RNF126: variants seen among roughly 807,000 people sequenced by gnomAD.
RNF126 encodes ring finger protein 126, also known as E3 ubiquitin-protein ligase RNF126.
In RNF126, 20 loss-of-function variants were observed where a neutral mutation model predicts 41.9. The observed-to-expected ratio is 0.48, with a 90% CI of 0.34 to 0.69. RNF126 has a LOEUF of 0.69. Among genes scored for constraint, RNF126 ranks in the 30% least tolerant of loss-of-function variants. The pLI is 0.01. For synonymous variants in RNF126, 239 were observed against 202.9 expected (o/e 1.18, Z -1.51); for missense variants, 433 against 460.6 (o/e 0.94, Z 0.55).
intron 5 of RNF126, among the ~76,000 whole-genome samples, chr19:649,963 A>G (rs1335869706): frequency 1.7e-5 from 2 of 115,132 alleles, no homozygotes; most frequent in South Asian, 3.1e-4. Flanking sequence ...CTCACCAGGG[A>G]CCCTGGCTGG....
intron 5 of RNF126, 67 bp downstream of exon 5, chr19:650,167 C>T (rs545744650): frequency 2.2e-6 from 3 of 1,334,182 alleles, no homozygotes; most frequent in African/African-American, 3.2e-5. Flanking sequence ...GGGATGGGGA[C>T]AGGCACCCCC....
At chr19:650,207 T>A in intron 5 of RNF126, 27 bp downstream of exon 5, 2 of 1,551,376 alleles carry the variant, frequency 1.3e-6, no homozygotes, top group Non-Finnish European at 1.7e-6. Context: ...AGGCTGGGGA[T>A]GGGGACAGGC....
chr19:662,849 G>A (rs1374879211), intron 1 of RNF126, among the ~76,000 whole-genome samples, 198 bp downstream of exon 1: 1 of 152,046 alleles, frequency 6.6e-6, no homozygotes, highest in Non-Finnish European at 1.5e-5. Flanking sequence ...TCTCCCGCAT[G>A]TACAGGACGG....
intron 5 of RNF126, among the ~76,000 whole-genome samples, 175 bp downstream of exon 5, chr19:650,059 A>T (rs1472509465): frequency 7.6e-6 from 1 of 132,282 alleles, no homozygotes; most frequent in Non-Finnish European, 1.6e-5. Flanking sequence ...CCAGGGGCCC[A>T]GGCTGGGGAT....
intron 1 of RNF126, 109 bp from the exon 2 acceptor site, chr19:652,993 GGCACACGCAGGCCA>G: frequency 9.7e-7 from 1 of 1,027,404 alleles, no homozygotes; most frequent in Non-Finnish European, 1.5e-6. Flanking sequence ...TGGCTGGCCA[GGCACACGCAGGCCA>G]GGGTGGCTCC....
chr19:653,615 G>T (rs759413207), intron 1 of RNF126, among the ~76,000 whole-genome samples: 7 of 152,222 alleles, frequency 4.6e-5, no homozygotes, highest in Non-Finnish European at 7.3e-5. Context: ...CTCATGGATG[G>T]CTGGGCCCCT....
rs1555680018 is a variant in RNF126, at chr19:648,339, C to CGGGGTGGGGGGGCGGG, written c.786+17_786+32dup. 2.0e-5 allele frequency: 6 copies of CGGGGTGGGGGGGCGGG among 302,228 alleles called. No individual in the cohort carries two copies. The African/African-American group carries it at 7.2e-4, about 36-fold the overall frequency. 18.7% of individuals were successfully genotyped at this position (302,228 alleles called of 1,614,324 possible). A position where few individuals can be genotyped will look rare whatever the true frequency, so the allele number is the denominator to read the frequency against. On this transcript the variant is annotated intron_variant, in intron 8 of 8. Coordinates refer to ENST00000292363, the MANE Select transcript of RNF126 (RefSeq NM_194460.3). ...AGGTTAGAGGCGGGAGGGCCGCGGT[C>CGGGGTGGGGGGGCGGG]GGGGTGGGGGGGCGGGTGGGCGGGG...
chr19:648,493 G>A lies in RNF126; in HGVS notation c.671-6C>T. ...AGGGCACTCGAGCCCGGAGCCTGCG[G>A]GAGTGTGCAGCTGCGGTCACAGCGG... On this transcript the variant is annotated splice_polypyrimidine_tract_variant and splice_region_variant and intron_variant, in intron 7 of 8. Coordinates refer to ENST00000292363, the MANE Select transcript of RNF126 (RefSeq NM_194460.3). 6.4e-7 allele frequency: 1 copy of A among 1,561,512 alleles called. No homozygotes were observed. The highest frequency in any genetic ancestry group is 1.2e-5 in the South Asian group (1 of 85,078).
At chr19:662,753 G>A (rs1368775268) in intron 1 of RNF126, among the ~76,000 whole-genome samples, 1 of 152,112 alleles carries the variant, frequency 6.6e-6, no homozygotes, top group Non-Finnish European at 1.5e-5. Flanking sequence ...GGCCTCTCGG[G>A]TCGGGAACGC....
At chr19:655,233 G>A (rs1251161898) in intron 1 of RNF126, among the ~76,000 whole-genome samples, 2 of 151,954 alleles carry the variant, frequency 1.3e-5, no homozygotes, top group East Asian at 3.9e-4. Context: ...GCGGGAGGCA[G>A]GAGGCAGAAT....
intron 1 of RNF126, among the ~76,000 whole-genome samples, chr19:654,642 C>CAA (rs56141012): frequency 4.1e-5 from 1 of 24,610 alleles, no homozygotes; most frequent in Non-Finnish European, 7.4e-5. Flanking sequence ...GACTCCGTCT[C>CAA]AAAAAAAAAA....
rs1406979352 is a variant in RNF126 at position 651,720 on chromosome 19, G to A, written c.334C>T (p.Arg112Trp). The change falls in exon 4 of 9, where the codon CGG (arginine) becomes TGG (tryptophan). Residue 112 changes from arginine to tryptophan, a missense_variant. Physicochemically the swap from Arg to Trp is moderately radical, Grantham distance 101. Around this residue, in one of 5 missense-constraint regions of RNF126, gnomAD observed 247 missense variants for 224.7 expected, o/e 1.10. Transcript: ENST00000292363. ...TGCCGGGACGGATGGTCTCTCTCCC[G>A]CCGGCTCTCAGGGTCCCTGCCGTCG... ...ADDGRDPESR[R>W]ERDHPSRHRY... The A allele has an allele frequency of 6.8e-6, 11 of 1,610,516 alleles. No homozygotes were observed. Among genetic ancestry groups the A allele is most frequent in the Admixed American group, 1.7e-5 (1 of 59,842 alleles).
At chr19:662,358 A>AG (rs1369602086) in intron 1 of RNF126, among the ~76,000 whole-genome samples, 1 of 152,124 alleles carries the variant, frequency 6.6e-6, no homozygotes, top group Admixed American at 6.5e-5. Flanking sequence ...CTCTTCGGTG[A>AG]GGGGCGGCTG....
intron 1 of RNF126, among the ~76,000 whole-genome samples, chr19:661,623 C>T (rs1185705694): frequency 2.0e-5 from 3 of 152,190 alleles, no homozygotes; most frequent in African/African-American, 4.8e-5. Context: ...CATGCCCCAA[C>T]TCTAGCACTC....
At chr19:651,950 G>T in intron 3 of RNF126, 95 bp from the exon 4 acceptor site, 1 of 1,194,058 alleles carries the variant, frequency 8.4e-7, no homozygotes, top group Admixed American at 2.3e-5. Context: ...AGCAAGACGG[G>T]CCCTGCTGGG....
At chr19:651,904 C>G (rs913996764) in intron 3 of RNF126, 49 bp from the exon 4 acceptor site, 6 of 1,528,110 alleles carry the variant, frequency 3.9e-6, no homozygotes, top group Non-Finnish European at 5.3e-6. Context: ...CCCGTGCAGT[C>G]TGCTGGGGGC....
chr19:656,816 G>A (rs935868907), intron 1 of RNF126, among the ~76,000 whole-genome samples: 2 of 152,294 alleles, frequency 1.3e-5, no homozygotes, highest in East Asian at 1.9e-4. Context: ...GACGCCCCAC[G>A]TAAACACGCT....
chr19:648,364 G>GGGGGGGGGGA lies in RNF126; in HGVS notation c.786+7_786+8insTCCCCCCCCC. The stretch of plus-strand genomic sequence containing the variant: ...CGGGGTGGGGGGGCGGGTGGGCGGG[G>GGGGGGGGGGA]CACTCACCTGCTCCAGCCAGGGCAC... On this transcript the variant is annotated splice_region_variant and intron_variant, in intron 8 of 8. Transcript: ENST00000292363. 1 of 510,498 alleles carries GGGGGGGGGGA rather than the reference G, an allele frequency of 2.0e-6. No homozygotes were observed. Among genetic ancestry groups the GGGGGGGGGGA allele is most frequent in the Non-Finnish European group, 3.6e-6 (1 of 278,364 alleles). The allele number at this position is 510,498 out of a possible 1,614,324, so 31.6% of individuals were successfully genotyped here.
chr19:651,631 T>C lies in RNF126; in HGVS notation c.423A>G (p.Glu141=), dbSNP rs748606659. Residue 141 remains glutamate, a synonymous_variant, in exon 4 of 9, where the codon GAA becomes GAG. Coordinates refer to ENST00000292363, the MANE Select transcript of RNF126 (RefSeq NM_194460.3). ...CTCACCCTTCCAGCGTGGGGACGCC[T>C]TCGTGCCGGCCGGTGGCCCGCCGCG... ...LTTRRATGRH[E]GVPTLEGIIQ... 26 of 1,467,584 alleles carry C rather than the reference T, an allele frequency of 1.8e-5. No homozygotes were observed. The highest frequency in any genetic ancestry group is 2.2e-5 in the Non-Finnish European group (24 of 1,112,066). The allele number at this position is 1,467,584 out of a possible 1,614,324, so 90.9% of individuals were successfully genotyped here. A position where few individuals can be genotyped will look rare whatever the true frequency, so the allele number is the denominator to read the frequency against.
Sources: gnomAD v4.1 joint callset for allele counts (sites outside exome capture counted in the v4.1 genomes callset) on GRCh38, gnomAD v4.1.1 for gene constraint, gnomAD v4.1.1 regional missense constraint, MANE v1.5 for transcripts, NCBI Gene and HGNC (gene_info 2026-07-23, HGNC 2026-07-21) for gene names.